SAMD12: variants seen among roughly 807,000 people sequenced by gnomAD.
SAMD12 encodes the protein sterile alpha motif domain containing 12.
In SAMD12, 9 loss-of-function variants were observed where a neutral mutation model predicts 15.0. That is an observed-to-expected ratio of 0.60 (90% confidence interval 0.36 to 1.05). The LOEUF (loss-of-function observed/expected upper bound fraction) is 1.05. Among genes scored for constraint, SAMD12 ranks in the 50% least tolerant of loss-of-function variants. The pLI is 0.01. For synonymous variants in SAMD12, 86 were observed against 90.1 expected (o/e 0.96, Z 0.25); for missense variants, 230 against 234.2 (o/e 0.98, Z 0.12).
At chr8:118,220,095 C>T (rs1414164761) in intron 4 of SAMD12, among the ~76,000 whole-genome samples, 1 of 152,126 alleles carries the variant, frequency 6.6e-6, no homozygotes, top group African/African-American at 2.4e-5. Context: ...GCCTGGAGTT[C>T]TGGATAAATG....
At chr8:118,573,613 G>A (rs954610526) in intron 2 of SAMD12, among the ~76,000 whole-genome samples, 4 of 152,144 alleles carry the variant, frequency 2.6e-5, no homozygotes, top group East Asian at 1.9e-4. Context: ...AAGAGTGAAG[G>A]GTAATGGAAT....
chr8:118,430,384 G>A (rs201373406), intron 3 of SAMD12, among the ~76,000 whole-genome samples: 1 of 83,544 alleles, frequency 1.2e-5, no homozygotes, highest in Admixed American at 1.3e-4. Flanking sequence ...TTTTTTTTTT[G>A]ATGGAGTCTC....
chr8:118,357,369 C>T (rs11993432), intron 4 of SAMD12, among the ~76,000 whole-genome samples: 20,358 of 152,094 alleles, frequency 0.13, 1,845 homozygotes, highest in Non-Finnish European at 0.18. Context: ...TCCTGAGTAG[C>T]TGGGATTACA....
At chr8:118,607,996 G>A (rs968013384) in intron 1 of SAMD12, among the ~76,000 whole-genome samples, 1 of 151,992 alleles carries the variant, frequency 6.6e-6, no homozygotes, top group African/African-American at 2.4e-5. Flanking sequence ...ATGTTTCTAG[G>A]CTAGGTATAA....
intron 1 of SAMD12, among the ~76,000 whole-genome samples, chr8:118,612,299 A>T (rs560718830): frequency 6.6e-6 from 1 of 152,196 alleles, no homozygotes; most frequent in Non-Finnish European, 1.5e-5. Context: ...CTACAACAGC[A>T]AAATCACAAA....
chr8:118,475,389 C>T (rs79734603), intron 2 of SAMD12, among the ~76,000 whole-genome samples: 4,426 of 152,266 alleles, frequency 0.029, 217 homozygotes, highest in African/African-American at 0.099. Context: ...GATGCAGATG[C>T]CAGGGCCATC....
intron 4 of SAMD12, among the ~76,000 whole-genome samples, chr8:118,232,301 G>A (rs1258053275): frequency 1.3e-5 from 2 of 152,128 alleles, no homozygotes; most frequent in Non-Finnish European, 1.5e-5. Context: ...GGATCAGAGG[G>A]ATGTTGCCCA....
downstream of SAMD12, among the ~76,000 whole-genome samples, chr8:118,187,524 A>G (rs1819261949): frequency 6.6e-6 from 1 of 152,172 alleles, no homozygotes; most frequent in African/African-American, 2.4e-5. Flanking sequence ...CTCACAAAAG[A>G]GATTTTATAA....
rs921948745 is a variant in SAMD12, at chr8:118,523,409, G to A, written c.192+57306C>T. Among the ~76,000 whole-genome samples, 9 of 152,268 alleles carry A rather than the reference G, an allele frequency of 5.9e-5. No individual in the cohort carries two copies. The East Asian group carries it at 1.4e-3, about 23-fold the overall frequency. ...ATCAGCTCCCATAATCTATCATAAC[G>A]GTGTGTAGTGCTCTCCCTTTTCACT... On this transcript the variant is annotated intron_variant, in intron 2 of 3. Transcript: ENST00000314727.
intron 1 of SAMD12, among the ~76,000 whole-genome samples, chr8:118,593,184 CTAAAA>C (rs1161564450): frequency 1.3e-5 from 2 of 152,060 alleles, no homozygotes; most frequent in Non-Finnish European, 2.9e-5. Flanking sequence ...ATCACATTCT[CTAAAA>C]TGAGAGATAT....
chr8:118,227,207 CT>C (rs1669723535), intron 4 of SAMD12, among the ~76,000 whole-genome samples: 1 of 152,122 alleles, frequency 6.6e-6, no homozygotes, highest in South Asian at 2.1e-4. Flanking sequence ...GAGATCATGT[CT>C]TTTGTGAGAA....
chr8:118,609,057 A>G (rs1563610204), intron 1 of SAMD12, among the ~76,000 whole-genome samples: 1 of 152,198 alleles, frequency 6.6e-6, no homozygotes, highest in African/African-American at 2.4e-5. Flanking sequence ...AAAACACTGA[A>G]ATCAATGTGA....
the SAMD12 span, among the ~76,000 whole-genome samples, chr8:118,142,576 G>A: frequency 6.6e-5 from 10 of 152,170 alleles, 1 homozygote; most frequent in East Asian, 1.9e-4. Flanking sequence ...TCAGATCAAC[G>A]GGCTAACTTC....
chr8:118,443,373 G>A (rs370106219), intron 2 of SAMD12, among the ~76,000 whole-genome samples: 4 of 152,084 alleles, frequency 2.6e-5, no homozygotes, highest in African/African-American at 4.8e-5. Flanking sequence ...CAGGAGGATC[G>A]CTTGAACCTG....
intron 4 of SAMD12, among the ~76,000 whole-genome samples, chr8:118,295,230 T>C (rs1814642397): frequency 6.6e-6 from 1 of 152,220 alleles, no homozygotes; most frequent in Non-Finnish European, 1.5e-5. Context: ...CTTTGTTGTT[T>C]GAGCTGCAAA....
downstream of SAMD12, among the ~76,000 whole-genome samples, chr8:118,375,200 G>C (rs1386825646): frequency 6.6e-6 from 1 of 152,078 alleles, no homozygotes; most frequent in Non-Finnish European, 1.5e-5. Flanking sequence ...CAACCACCTG[G>C]AGATGGAAAT....
chr8:118,485,882 G>A (rs1824263577), intron 2 of SAMD12, among the ~76,000 whole-genome samples: 1 of 152,170 alleles, frequency 6.6e-6, no homozygotes, highest in Admixed American at 6.5e-5. Flanking sequence ...AATCACTATG[G>A]GATAGAATTG....
chr8:118,507,991 C>CTTTT lies in SAMD12; in HGVS notation c.193-68034_193-68031dup, dbSNP rs11384671. Among the ~76,000 whole-genome samples, 1,042 of 108,762 alleles carry CTTTT rather than the reference C, an allele frequency of 9.6e-3. 42 individuals are homozygous for CTTTT. Among genetic ancestry groups the CTTTT allele is most frequent in the African/African-American group, 0.031 (898 of 28,646 alleles). The allele number at this position is 108,762 out of a possible 152,430, so 71.4% of individuals were successfully genotyped here. ...GCAAACCCCTAGATAGTATAATCTCCTTTTTTTTTTTTTTTTTTTTGAGAC... is the reference window on the plus strand; with the variant it reads ...GCAAACCCCTAGATAGTATAATCTCCTTTTTTTTTTTTTTTTTTTTTTTTGAGAC... On this transcript the variant is annotated intron_variant, in intron 2 of 3. Transcript: ENST00000314727.
At chr8:118,418,578 G>A (rs1821833845) in intron 3 of SAMD12, among the ~76,000 whole-genome samples, 1 of 152,116 alleles carries the variant, frequency 6.6e-6, no homozygotes. Flanking sequence ...AATTAGCAGA[G>A]CGTGGTGGCG....
Sources: allele counts gnomAD v4.1 joint callset (sites outside exome capture counted in the v4.1 genomes callset), GRCh38; gene constraint gnomAD v4.1.1; transcripts MANE v1.5; gene names NCBI Gene and HGNC (gene_info 2026-07-23, HGNC 2026-07-21).